The following RFX4 variants were observed in gnomAD, a reference collection of about 807,000 sequenced individuals.
The protein encoded by RFX4 is regulatory factor X4, also known as transcription factor RFX4.
In RFX4, 10 loss-of-function variants were observed where a neutral mutation model predicts 95.0. That is an observed-to-expected ratio of 0.11 (90% CI 0.06 to 0.18). The LOEUF is 0.18. Ranked by LOEUF, RFX4 falls within the 10% of genes least tolerant of loss-of-function variation. RFX4 has a pLI of 1.00. For missense variants in RFX4, 640 were observed against 922.0 expected (o/e 0.69, Z 3.96); for synonymous variants, 321 against 340.7 (o/e 0.94, Z 0.64).
Position 106,640,102 on chromosome 12 carries a change from T to C in RFX4, c.191+710T>C, listed in dbSNP as rs530109044. ...AAAAGAAAGGAACTAAAATCCATTA[T>C]ATGCACCCCTCCAGGCTAGGCACTT... On this transcript the variant is annotated intron_variant, in intron 3 of 17. Transcript: ENST00000392842. Among the ~76,000 whole-genome samples the C allele has an allele frequency of 2.4e-4, 36 of 152,340 alleles. No individual in the cohort carries two copies. The South Asian group carries it at 7.0e-3, about 30-fold the overall frequency.
intron 1 of RFX4, among the ~76,000 whole-genome samples, chr12:106,598,291 C>T (rs1042306247): frequency 6.6e-6 from 1 of 152,134 alleles, no homozygotes; most frequent in Non-Finnish European, 1.5e-5. Context: ...AATGGAAACA[C>T]TTGCTCAATG....
chr12:106,753,334 C>T (rs2043046253), intron 17 of RFX4, among the ~76,000 whole-genome samples: 1 of 152,118 alleles, frequency 6.6e-6, no homozygotes, highest in Non-Finnish European at 1.5e-5. Flanking sequence ...TCATGATGGG[C>T]ATTCATGGCA....
chr12:106,684,082 G>A (rs1399133473), intron 5 of RFX4, among the ~76,000 whole-genome samples: 9 of 152,092 alleles, frequency 5.9e-5, no homozygotes, highest in Admixed American at 5.9e-4. Flanking sequence ...ATCTGGGGGG[G>A]TGGGCCAGGT....
intron 8 of RFX4, among the ~76,000 whole-genome samples, chr12:106,705,201 T>A (rs2042060941): frequency 6.6e-6 from 1 of 152,198 alleles, no homozygotes; most frequent in African/African-American, 2.4e-5. Flanking sequence ...ACATGTGAAG[T>A]GTTCAGTAGC....
intron 1 of RFX4, chr12:106,601,379 G>A: frequency 6.4e-7 from 1 of 1,555,616 alleles, no homozygotes; most frequent in Non-Finnish European, 8.7e-7. Flanking sequence ...AGGAGACTGG[G>A]GTGGGCCTGG....
At chr12:106,608,064 G>A (rs2137201341) in intron 1 of RFX4, among the ~76,000 whole-genome samples, 2 of 152,202 alleles carry the variant, frequency 1.3e-5, no homozygotes, top group Non-Finnish European at 2.9e-5. Context: ...TTGGTGGCGG[G>A]TGCCTTCCCA....
At chr12:106,663,760 T>TC (rs2041121699) in intron 4 of RFX4, among the ~76,000 whole-genome samples, 1 of 151,842 alleles carries the variant, frequency 6.6e-6, no homozygotes, top group African/African-American at 2.4e-5. Context: ...GAAAGCGTTT[T>TC]TTTTTTTTCA....
At chr12:106,672,665 G>A (rs2041306880) in intron 4 of RFX4, among the ~76,000 whole-genome samples, 1 of 151,130 alleles carries the variant, frequency 6.6e-6, no homozygotes, top group African/African-American at 2.4e-5. Flanking sequence ...TTTGAGACTC[G>A]AACTAAATTG....
At chr12:106,735,138 A>G (rs1223903814) in intron 15 of RFX4, among the ~76,000 whole-genome samples, 1 of 152,024 alleles carries the variant, frequency 6.6e-6, no homozygotes, top group Non-Finnish European at 1.5e-5. Flanking sequence ...AAGGAAATAT[A>G]TAATTGTTGA....
At chr12:106,669,635 C>A (rs1044227348) in intron 4 of RFX4, among the ~76,000 whole-genome samples, 1 of 151,992 alleles carries the variant, frequency 6.6e-6, no homozygotes, top group African/African-American at 2.4e-5. Flanking sequence ...TGAACTGACA[C>A]AGCAGAAGAT....
intron 10 of RFX4, among the ~76,000 whole-genome samples, chr12:106,713,733 G>A (rs2042232024): frequency 6.6e-6 from 1 of 152,066 alleles, no homozygotes; most frequent in Admixed American, 6.6e-5. Flanking sequence ...TAAGAGGTAA[G>A]CACTAAGGCC....
chr12:106,653,018 T>C (rs959918343), intron 3 of RFX4, among the ~76,000 whole-genome samples: 2 of 152,206 alleles, frequency 1.3e-5, no homozygotes, highest in Non-Finnish European at 2.9e-5. Flanking sequence ...TTTCCTAAAA[T>C]CTAGTTAATG....
Position 106,715,419 on chromosome 12 carries a change from A to C in RFX4, c.1013A>C (p.His338Pro), listed in dbSNP as rs770511590. The C allele has an allele frequency of 5.6e-6, 9 of 1,614,050 alleles. No homozygotes were observed. Among genetic ancestry groups the C allele is most frequent in the Non-Finnish European group, 7.6e-6 (9 of 1,180,026 alleles). ...HLCQASRTVI[H>P]SADITFQMLE... ...TTATAGGCATCTCGAACAGTGATCC[A>C]CAGTGCAGACATCACGTTCCAAATG... Residue 338 changes from histidine to proline, a missense_variant, in exon 11 of 18, where the codon CAC becomes CCC. Physicochemically the swap from His to Pro is moderately conservative, Grantham distance 77. Coordinates refer to ENST00000392842, the MANE Select transcript of RFX4 (RefSeq NM_213594.3).
rs755096191 is a variant in RFX4, at chr12:106,632,473, A to G, written c.131-6859A>G. Reference sequence around the variant, plus strand: ...AAGGCATTTGGCAGGACCAGTTCCTAAAGTCTCTATCAACTATGGCTATTT... The same window carrying G: ...AAGGCATTTGGCAGGACCAGTTCCTGAAGTCTCTATCAACTATGGCTATTT... On this transcript the variant is annotated intron_variant, in intron 2 of 17. Transcript: ENST00000392842. 2.0e-5 allele frequency among the ~76,000 whole-genome samples: 3 copies of G among 152,146 alleles called. 1 individual carries two copies. Among genetic ancestry groups the G allele is most frequent in the Admixed American group, 1.3e-4 (2 of 15,274 alleles).
intron 13 of RFX4, among the ~76,000 whole-genome samples, chr12:106,727,039 T>C (rs1310975218): frequency 1.3e-5 from 2 of 152,078 alleles, no homozygotes. Flanking sequence ...CCCAAATTGC[T>C]GGGGTTACAA....
chr12:106,693,674 C>A (rs1307621092), intron 7 of RFX4, among the ~76,000 whole-genome samples: 2 of 152,168 alleles, frequency 1.3e-5, no homozygotes, highest in African/African-American at 4.8e-5. Flanking sequence ...CCGTGGACAT[C>A]TCCAGGCTCA....
intron 3 of RFX4, among the ~76,000 whole-genome samples, chr12:106,649,886 T>G (rs995776455): frequency 7.2e-5 from 11 of 152,186 alleles, no homozygotes; most frequent in African/African-American, 2.7e-4. Flanking sequence ...TCCTCACATC[T>G]GGCAGCATGA....
chr12:106,686,765 CA>C (rs2041660217), intron 5 of RFX4, 118 bp from the exon 6 acceptor site: 1 of 872,298 alleles, frequency 1.1e-6, no homozygotes, highest in East Asian at 2.4e-5. Context: ...AGGATGGCCC[CA>C]GCTTTCCTTG....
At chr12:106,713,871 C>T (rs1380872068) in intron 10 of RFX4, among the ~76,000 whole-genome samples, 2 of 151,810 alleles carry the variant, frequency 1.3e-5, no homozygotes, top group Non-Finnish European at 2.9e-5. Flanking sequence ...AGTTCAAGAC[C>T]AGCCTGGCCA....
Sources: gnomAD v4.1 joint callset for allele counts (sites outside exome capture counted in the v4.1 genomes callset) on GRCh38, gnomAD v4.1.1 for gene constraint, MANE v1.5 for transcripts, NCBI Gene and HGNC (gene_info 2026-07-23, HGNC 2026-07-21) for gene names.